GRIA4: variants seen among roughly 807,000 people sequenced by gnomAD.
GRIA4 encodes glutamate receptor 4.
Under a neutral mutation model 104.0 loss-of-function variants are expected in GRIA4, and 34 were observed. That is an observed-to-expected ratio of 0.33 (90% CI 0.25 to 0.44). The LOEUF (loss-of-function observed/expected upper bound fraction) is 0.44, where lower values mean the gene tolerates loss of function less well. Among genes scored for constraint, GRIA4 ranks in the 20% least tolerant of loss-of-function variants. The probability of loss-of-function intolerance (pLI) is 1.00; values close to 1 mark genes in which losing one functional copy is unlikely to be tolerated. For synonymous variants in GRIA4, 386 were observed against 381.9 expected, an observed-to-expected ratio of 1.01 and a Z score of -0.13; for missense variants, 750 against 1,096.5, an observed-to-expected ratio of 0.68 and a Z score of 4.46.
intron 4 of GRIA4, among the ~76,000 whole-genome samples, chr11:105,859,048 CAG>C (rs757775546): frequency 6.6e-6 from 1 of 152,112 alleles, no homozygotes; most frequent in Non-Finnish European, 1.5e-5. Flanking sequence ...AAATCATAGC[CAG>C]ATGTGGAAAT....
At chr11:105,967,479 A>G (rs1858446052) in intron 14 of GRIA4, among the ~76,000 whole-genome samples, 1 of 152,178 alleles carries the variant, frequency 6.6e-6, no homozygotes, top group South Asian at 2.1e-4. Context: ...AAAAGAATAA[A>G]TTTCTCTCTA....
chr11:105,733,614 G>A (rs932146955), intron 3 of GRIA4, among the ~76,000 whole-genome samples: 1 of 151,942 alleles, frequency 6.6e-6, no homozygotes, highest in South Asian at 2.1e-4. Context: ...CTGCCACCAC[G>A]ACCAGCTAAT....
At chr11:105,629,193 A>G (rs1442001008) in intron 3 of GRIA4, among the ~76,000 whole-genome samples, 1 of 151,846 alleles carries the variant, frequency 6.6e-6, no homozygotes, top group Non-Finnish European at 1.5e-5. Context: ...GTGAGCTATG[A>G]TTGTACTCCA....
intron 4 of GRIA4, among the ~76,000 whole-genome samples, chr11:105,829,761 G>T (rs1943906050): frequency 6.6e-6 from 1 of 151,850 alleles, no homozygotes; most frequent in African/African-American, 2.4e-5. Context: ...GTAGATGATA[G>T]AAATTGAAGA....
chr11:105,714,324 G>A (rs1954017517), intron 3 of GRIA4, among the ~76,000 whole-genome samples: 1 of 151,744 alleles, frequency 6.6e-6, no homozygotes, highest in Non-Finnish European at 1.5e-5. Context: ...AAAAAATTCT[G>A]CTAGAGAGTA....
chr11:105,789,842 T>C lies in GRIA4; in HGVS notation c.487+36622T>C, dbSNP rs1277051035. 6.6e-5 allele frequency among the ~76,000 whole-genome samples: 10 copies of C among 152,254 alleles called. No individual in the cohort carries two copies. In the East Asian group the frequency reaches 1.9e-3, roughly 29 times the overall value. Reference sequence around the variant, plus strand: ...TTATTGCTCAGGGTGACTTTACTGATCAAAAGAAGCAGCACCAAAAAAATT... The same window carrying C: ...TTATTGCTCAGGGTGACTTTACTGACCAAAAGAAGCAGCACCAAAAAAATT... On this transcript the variant is annotated intron_variant, in intron 4 of 16. Coordinates refer to ENST00000282499, the MANE Select transcript of GRIA4 (RefSeq NM_000829.4).
chr11:105,755,773 T>C (rs1181099249), intron 4 of GRIA4, among the ~76,000 whole-genome samples: 1 of 152,114 alleles, frequency 6.6e-6, no homozygotes, highest in African/African-American at 2.4e-5. Flanking sequence ...AGAACAAAAA[T>C]TTGGTGGAAG....
At chr11:105,796,407 T>C (rs1942481185) in intron 4 of GRIA4, among the ~76,000 whole-genome samples, 1 of 152,220 alleles carries the variant, frequency 6.6e-6, no homozygotes, top group African/African-American at 2.4e-5. Flanking sequence ...TTGGAAACCA[T>C]GTGAGCTGGC....
chr11:105,666,223 T>G (rs1375068342), intron 3 of GRIA4, among the ~76,000 whole-genome samples: 1 of 152,022 alleles, frequency 6.6e-6, no homozygotes, highest in Non-Finnish European at 1.5e-5. Flanking sequence ...TTAAGATAAT[T>G]TATAAATTTC....
chr11:105,799,588 C>T (rs1942630348), intron 4 of GRIA4, among the ~76,000 whole-genome samples: 2 of 152,008 alleles, frequency 1.3e-5, no homozygotes, highest in African/African-American at 4.8e-5. Flanking sequence ...CCTTAGGATT[C>T]ACTCATAGTA....
intron 16 of GRIA4, among the ~76,000 whole-genome samples, chr11:105,977,131 T>C (rs1859020466): frequency 1.3e-5 from 2 of 152,036 alleles, no homozygotes; most frequent in South Asian, 2.1e-4. Flanking sequence ...CTTTTATTAA[T>C]GGTATTTTAG....
intron 14 of GRIA4, among the ~76,000 whole-genome samples, chr11:105,970,698 G>A (rs1434946939): frequency 6.6e-6 from 1 of 152,138 alleles, no homozygotes; most frequent in East Asian, 1.9e-4. Context: ...GATGCACTCA[G>A]CATTTCCTAG....
chr11:105,878,251 A>T (rs1945910061), intron 5 of GRIA4, among the ~76,000 whole-genome samples: 1 of 152,152 alleles, frequency 6.6e-6, no homozygotes, highest in African/African-American at 2.4e-5. Flanking sequence ...GAGGCTGCAG[A>T]ATAGCAAAGA....
At chr11:105,783,508 A>G (rs1941818694) in intron 4 of GRIA4, among the ~76,000 whole-genome samples, 1 of 152,198 alleles carries the variant, frequency 6.6e-6, no homozygotes, top group African/African-American at 2.4e-5. Flanking sequence ...GCAGAAGTAT[A>G]AAGACTCAAT....
chr11:105,900,964 A>G (rs1030557217), intron 7 of GRIA4, among the ~76,000 whole-genome samples: 1 of 151,946 alleles, frequency 6.6e-6, no homozygotes, highest in Non-Finnish European at 1.5e-5. Flanking sequence ...ATATATATAT[A>G]TATATATTTT....
intron 14 of GRIA4, among the ~76,000 whole-genome samples, chr11:105,940,665 T>A (rs1324365501): frequency 1.3e-5 from 2 of 152,178 alleles, no homozygotes; most frequent in Non-Finnish European, 2.9e-5. Flanking sequence ...TGGTACATCA[T>A]AAGTAAATAA....
intron 4 of GRIA4, among the ~76,000 whole-genome samples, chr11:105,830,778 T>C (rs528098674): frequency 2.0e-5 from 3 of 152,172 alleles, no homozygotes; most frequent in Non-Finnish European, 4.4e-5. Context: ...AAAGGGCCTG[T>C]TTGACTCATC....
At chr11:105,649,699 C>A (rs182731949) in intron 3 of GRIA4, among the ~76,000 whole-genome samples, 6 of 151,912 alleles carry the variant, frequency 3.9e-5, no homozygotes, top group East Asian at 1.9e-4. Context: ...AATACTACTG[C>A]GAGTTTTAAT....
chr11:105,767,625 C>T (rs1315805963), intron 4 of GRIA4, among the ~76,000 whole-genome samples: 1 of 152,098 alleles, frequency 6.6e-6, no homozygotes, highest in African/African-American at 2.4e-5. Flanking sequence ...ATCTGAGGTT[C>T]TTCAAGAATT....
Sources: allele counts gnomAD v4.1 joint callset (sites outside exome capture counted in the v4.1 genomes callset), GRCh38; gene constraint gnomAD v4.1.1; transcripts MANE v1.5; gene names NCBI Gene and HGNC (gene_info 2026-07-23, HGNC 2026-07-21).